Variants in FRMD4B observed in about 807,000 individuals in gnomAD.
FRMD4B encodes FERM domain containing 4B.
In FRMD4B, 74 loss-of-function variants were observed where a neutral mutation model predicts 141.5. The observed-to-expected ratio is 0.52, with a 90% CI of 0.43 to 0.63. The LOEUF is 0.63. Ranked by LOEUF, FRMD4B falls within the 30% of genes least tolerant of loss-of-function variation. The pLI is 0.00. For synonymous variants in FRMD4B, 506 were observed against 467.9 expected (o/e 1.08, Z -1.05); for missense variants, 1,366 against 1,253.4 (o/e 1.09, Z -1.36).
chr3:69,518,902 T>C (rs999288558), intron 1 of FRMD4B, among the ~76,000 whole-genome samples: 1 of 152,130 alleles, frequency 6.6e-6, no homozygotes, highest in Non-Finnish European at 1.5e-5. Context: ...GCTGGGAGAT[T>C]CTTCTGGGGG....
chr3:69,294,003 G>A (rs1347893336), intron 4 of FRMD4B, among the ~76,000 whole-genome samples: 1 of 151,440 alleles, frequency 6.6e-6, no homozygotes, highest in Non-Finnish European at 1.5e-5. Flanking sequence ...TGAAACCAAT[G>A]CTTTTCTAAT....
intron 10 of FRMD4B, among the ~76,000 whole-genome samples, chr3:69,217,196 G>A (rs970667802): frequency 2.6e-5 from 4 of 152,218 alleles, no homozygotes; most frequent in South Asian, 2.1e-4. Flanking sequence ...TACATACGGG[G>A]AGGTGAGTAA....
intron 4 of FRMD4B, 94 bp downstream of exon 4, chr3:69,302,249 C>G (rs1032133785): frequency 4.2e-6 from 3 of 709,604 alleles, no homozygotes; most frequent in Non-Finnish European, 7.7e-6. Context: ...TATCTCTAAT[C>G]ACCAGAAATG....
intron 1 of FRMD4B, among the ~76,000 whole-genome samples, chr3:69,364,214 C>T (rs941416428): frequency 2.0e-5 from 3 of 152,230 alleles, no homozygotes; most frequent in African/African-American, 7.2e-5. Context: ...TCCCACTCAC[C>T]TCAGTTACTG....
intron 1 of FRMD4B, among the ~76,000 whole-genome samples, chr3:69,367,119 C>G (rs556560320): frequency 9.2e-5 from 14 of 152,250 alleles, no homozygotes; most frequent in African/African-American, 2.2e-4. Context: ...ACACTACTAC[C>G]TTCTGGCACT....
At chr3:69,289,161 G>A (rs1000981434) in intron 4 of FRMD4B, among the ~76,000 whole-genome samples, 1 of 152,158 alleles carries the variant, frequency 6.6e-6, no homozygotes, top group Admixed American at 6.5e-5. Flanking sequence ...GGGAAAAATA[G>A]GTTTTGGAAT....
intron 1 of FRMD4B, among the ~76,000 whole-genome samples, chr3:69,495,806 A>G (rs1444418066): frequency 2.0e-5 from 3 of 152,210 alleles, no homozygotes; most frequent in African/African-American, 4.8e-5. Flanking sequence ...ATGGACATAC[A>G]ATATATTTTA....
chr3:69,186,785 C>T (rs1575589703), intron 19 of FRMD4B, among the ~76,000 whole-genome samples: 1 of 152,176 alleles, frequency 6.6e-6, no homozygotes, highest in South Asian at 2.1e-4. Context: ...GTGATCCTCC[C>T]ACCTTGGCCT....
At chr3:69,536,721 G>A (rs1162869398) in intron 1 of FRMD4B, 2 of 648,168 alleles carry the variant, frequency 3.1e-6, no homozygotes, top group South Asian at 1.6e-5. Context: ...CTTCAGTTAT[G>A]GTAAGGACTT....
At chr3:69,190,982 C>T (rs1465726356) in intron 17 of FRMD4B, among the ~76,000 whole-genome samples, 1 of 152,186 alleles carries the variant, frequency 6.6e-6, no homozygotes, top group Admixed American at 6.5e-5. Context: ...GTTAGAATAA[C>T]GGATGTAAAG....
At chr3:69,252,080 C>T (rs967350620) in intron 5 of FRMD4B, among the ~76,000 whole-genome samples, 13 of 152,124 alleles carry the variant, frequency 8.5e-5, no homozygotes, top group Admixed American at 3.9e-4. Flanking sequence ...CTCTGACATC[C>T]CACGACCCAC....
At position 69,228,400 on chromosome 3, in the gene FRMD4B, T is replaced by G. The variant is rs748648617; in HGVS notation, c.582-3710A>C. The G allele has an allele frequency of 8.8e-6, 4 of 456,962 alleles. No individual in the cohort carries two copies. The East Asian group carries it at 2.8e-4, about 32-fold the overall frequency. The allele number at this position is 456,962 out of a possible 1,614,324, so 28.3% of individuals were successfully genotyped here. A position where few individuals can be genotyped will look rare whatever the true frequency, so the allele number is the denominator to read the frequency against. On this transcript the variant is annotated intron_variant, in intron 7 of 22. Coordinates refer to ENST00000398540, the MANE Select transcript of FRMD4B (RefSeq NM_015123.3). ...TCAACTGGGTAAGCGAGCTGAGAAA[T>G]GTAAGTCAAACTCACCATCAGACCT...
At chr3:69,401,812 G>A (rs1158703442) in intron 2 of FRMD4B, among the ~76,000 whole-genome samples, 1 of 152,142 alleles carries the variant, frequency 6.6e-6, no homozygotes, top group Non-Finnish European at 1.5e-5. Context: ...GCCTCCCAAA[G>A]TGCTGAGACT....
chr3:69,277,845 C>G (rs991842471), intron 5 of FRMD4B, among the ~76,000 whole-genome samples: 6 of 114,488 alleles, frequency 5.2e-5, no homozygotes, highest in Non-Finnish European at 7.2e-5. Context: ...ACAGCATTTT[C>G]TTTTTCTTTC....
At chr3:69,407,596 T>C (rs1161240413) in intron 2 of FRMD4B, among the ~76,000 whole-genome samples, 1 of 152,184 alleles carries the variant, frequency 6.6e-6, no homozygotes, top group East Asian at 1.9e-4. Flanking sequence ...TTACACAGGA[T>C]TTTTGTCTTT....
intron 5 of FRMD4B, among the ~76,000 whole-genome samples, chr3:69,255,789 C>A (rs1197031191): frequency 6.6e-6 from 1 of 152,166 alleles, no homozygotes; most frequent in Non-Finnish European, 1.5e-5. Context: ...AGTTCTCTCT[C>A]TCTTTCTCTG....
chr3:69,534,668 T>A (rs1188407824), intron 1 of FRMD4B, among the ~76,000 whole-genome samples: 1 of 152,224 alleles, frequency 6.6e-6, no homozygotes, highest in Non-Finnish European at 1.5e-5. Flanking sequence ...GGGCTCATTT[T>A]TATGGGTTAG....
intron 21 of FRMD4B, among the ~76,000 whole-genome samples, chr3:69,179,387 C>T (rs919388907): frequency 6.6e-6 from 1 of 152,178 alleles, no homozygotes; most frequent in African/African-American, 2.4e-5. Context: ...TCTGTCTGTT[C>T]TGCCCAGGTT....
intron 1 of FRMD4B, among the ~76,000 whole-genome samples, chr3:69,445,994 G>A (rs1285767936): frequency 6.6e-6 from 1 of 152,108 alleles, no homozygotes; most frequent in Non-Finnish European, 1.5e-5. Flanking sequence ...GATACTCAGT[G>A]ACTATTTGTC....
Sources: gnomAD v4.1 joint callset for allele counts (sites outside exome capture counted in the v4.1 genomes callset) on GRCh38, gnomAD v4.1.1 for gene constraint, MANE v1.5 for transcripts, NCBI Gene and HGNC (gene_info 2026-07-23, HGNC 2026-07-21) for gene names.